Variants in THSD7A observed in about 807,000 individuals in gnomAD.
The protein encoded by THSD7A is thrombospondin type-1 domain-containing protein 7A.
THSD7A carries 96 observed loss-of-function variants against 231.3 expected under a neutral mutation model. That is an observed-to-expected ratio of 0.41 (90% CI 0.35 to 0.49). THSD7A has a LOEUF of 0.49. Among genes scored for constraint, THSD7A ranks in the 20% least tolerant of loss-of-function variants. THSD7A has a pLI of 0.05. For synonymous variants in THSD7A, 940 were observed against 743.3 expected (o/e 1.26, Z -4.30); for missense variants, 2,290 against 2,070.2 (o/e 1.11, Z -2.06).
intron 13 of THSD7A, among the ~76,000 whole-genome samples, chr7:11,430,095 A>C (rs574313366): frequency 6.6e-6 from 1 of 152,320 alleles, no homozygotes; most frequent in Admixed American, 6.5e-5. Flanking sequence ...TGTTCTTGGT[A>C]CAAGAAAACA....
chr7:11,643,603 GCACA>G (rs71027421), intron 1 of THSD7A, among the ~76,000 whole-genome samples: 3 of 149,506 alleles, frequency 2.0e-5, no homozygotes, highest in African/African-American at 2.5e-5. Flanking sequence ...ACGCACGCGC[GCACA>G]CACACACACA....
At chr7:11,442,648 A>C (rs1784842464) in intron 13 of THSD7A, among the ~76,000 whole-genome samples, 1 of 152,104 alleles carries the variant, frequency 6.6e-6, no homozygotes. Flanking sequence ...CAAACACCAG[A>C]ATTTGCAGAA....
At chr7:11,549,570 C>A (rs899480217) in intron 4 of THSD7A, among the ~76,000 whole-genome samples, 2 of 152,048 alleles carry the variant, frequency 1.3e-5, no homozygotes, top group South Asian at 4.1e-4. Context: ...AAATCTCATA[C>A]GTATACATTA....
chr7:11,639,419 C>G (rs181825178), intron 1 of THSD7A, among the ~76,000 whole-genome samples: 1,714 of 152,220 alleles, frequency 0.011, 12 homozygotes, highest in South Asian at 0.02. Flanking sequence ...CCTGTAATCC[C>G]AGCACTTTGG....
At chr7:11,658,703 T>C (rs1367856460) in intron 1 of THSD7A, among the ~76,000 whole-genome samples, 1 of 151,752 alleles carries the variant, frequency 6.6e-6, no homozygotes, top group East Asian at 1.9e-4. Context: ...CAGGATTTTA[T>C]ACCCTAAAAA....
intron 4 of THSD7A, among the ~76,000 whole-genome samples, chr7:11,577,092 C>A (rs1790946552): frequency 6.6e-6 from 1 of 152,126 alleles, no homozygotes. Flanking sequence ...AATGGGAAAA[C>A]ACTATCTACC....
At chr7:11,683,568 A>G (rs936876861) in intron 1 of THSD7A, among the ~76,000 whole-genome samples, 3 of 152,072 alleles carry the variant, frequency 2.0e-5, no homozygotes, top group Admixed American at 6.6e-5. Context: ...AGAAACAAAA[A>G]AGATCCTCAG....
intron 19 of THSD7A, among the ~76,000 whole-genome samples, chr7:11,408,782 C>T (rs1378587028): frequency 1.3e-5 from 2 of 152,030 alleles, no homozygotes; most frequent in East Asian, 1.9e-4. Flanking sequence ...TGCAGGCACT[C>T]CCATTATATT....
At chr7:11,796,061 T>C (rs1784115543) in intron 1 of THSD7A, among the ~76,000 whole-genome samples, 1 of 88,624 alleles carries the variant, frequency 1.1e-5, no homozygotes, top group Non-Finnish European at 2.5e-5. Context: ...TATATATATA[T>C]ATATATATAT....
chr7:11,714,995 G>C (rs1781089381), intron 1 of THSD7A, among the ~76,000 whole-genome samples: 1 of 151,388 alleles, frequency 6.6e-6, no homozygotes, highest in Admixed American at 6.6e-5. Flanking sequence ...ATTTGGCGAA[G>C]TGGCTTCCAT....
At chr7:11,537,515 T>C (rs1314356510) in intron 6 of THSD7A, among the ~76,000 whole-genome samples, 2 of 152,280 alleles carry the variant, frequency 1.3e-5, no homozygotes, top group Middle Eastern at 3.4e-3. Context: ...TCTCTCCCTC[T>C]GTTGCTCCAC....
chr7:11,429,213 C>T lies in THSD7A; in HGVS notation c.3065-88G>A, dbSNP rs959395306. ...ACTATTCTAGGTCATTTAGAAGGTCCAAGACTGACTTGACAGCAGCATGCA... is the reference window on the plus strand; with the variant it reads ...ACTATTCTAGGTCATTTAGAAGGTCTAAGACTGACTTGACAGCAGCATGCA... On this transcript the variant is annotated intron_variant, in intron 13 of 27. Coordinates refer to ENST00000423059, the MANE Select transcript of THSD7A (RefSeq NM_015204.3). The T allele has an allele frequency of 5.3e-6, 7 of 1,321,378 alleles. No individual in the cohort carries two copies. In the African/African-American group the frequency reaches 1.0e-4, roughly 20 times the overall value. The allele number at this position is 1,321,378 out of a possible 1,614,324, so 81.9% of individuals were successfully genotyped here.
At chr7:11,447,168 T>C in intron 12 of THSD7A, 62 bp downstream of exon 12, 1 of 1,489,754 alleles carries the variant, frequency 6.7e-7, no homozygotes, top group Non-Finnish European at 9.3e-7. Context: ...TCTCTCAGTC[T>C]GACTTGTATT....
intron 1 of THSD7A, among the ~76,000 whole-genome samples, chr7:11,689,717 G>T (rs1171645585): frequency 6.7e-6 from 1 of 150,086 alleles, no homozygotes; most frequent in Non-Finnish European, 1.5e-5. Flanking sequence ...TAAGAGTTCA[G>T]ATCTTTAGCT....
At chr7:11,643,595 G>A (rs538679878) in intron 1 of THSD7A, among the ~76,000 whole-genome samples, 3 of 48,754 alleles carry the variant, frequency 6.2e-5, no homozygotes, top group East Asian at 2.9e-3. Context: ...TACACCACAC[G>A]CACGCGCGCA....
At chr7:11,766,441 C>T (rs1165469800) in intron 1 of THSD7A, among the ~76,000 whole-genome samples, 2 of 150,386 alleles carry the variant, frequency 1.3e-5, no homozygotes, top group Non-Finnish European at 2.9e-5. Flanking sequence ...CAACTCTCCA[C>T]GACAAACTCA....
At chr7:11,729,606 T>G (rs993902440) in intron 1 of THSD7A, among the ~76,000 whole-genome samples, 3 of 151,794 alleles carry the variant, frequency 2.0e-5, no homozygotes, top group Admixed American at 1.3e-4. Context: ...CTACAGGTTG[T>G]TTTGTTGGTT....
intron 4 of THSD7A, among the ~76,000 whole-genome samples, chr7:11,583,177 T>C (rs1206395698): frequency 6.6e-6 from 1 of 152,220 alleles, no homozygotes; most frequent in Non-Finnish European, 1.5e-5. Context: ...AACTACTATT[T>C]TAAAAAATTG....
intron 1 of THSD7A, among the ~76,000 whole-genome samples, chr7:11,775,893 C>T (rs557915376): frequency 4.6e-5 from 7 of 152,010 alleles, no homozygotes; most frequent in Non-Finnish European, 7.4e-5. Flanking sequence ...CTAAATATTC[C>T]ATAAATTAAT....
Sources: allele counts gnomAD v4.1 joint callset (sites outside exome capture counted in the v4.1 genomes callset), GRCh38; gene constraint gnomAD v4.1.1; transcripts MANE v1.5; gene names NCBI Gene and HGNC (gene_info 2026-07-23, HGNC 2026-07-21).